COL21A1: variants seen among roughly 807,000 people sequenced by gnomAD.
The protein encoded by COL21A1 is collagen alpha-1(XXI) chain.
COL21A1 carries 149 observed loss-of-function variants against 137.9 expected under a neutral mutation model. That is an observed-to-expected ratio of 1.08 (90% CI 0.95 to 1.24). The LOEUF is 1.24. Ranked by LOEUF, COL21A1 falls within the 50% of genes most tolerant of loss-of-function variation. The pLI is 0.00. For synonymous variants in COL21A1, 456 were observed against 391.5 expected (o/e 1.16, Z -1.95); for missense variants, 1,167 against 1,158.4 (o/e 1.01, Z -0.11).
intron 22 of COL21A1, among the ~76,000 whole-genome samples, chr6:56,068,238 T>C (rs544358361): frequency 5.3e-5 from 8 of 151,436 alleles, no homozygotes; most frequent in Non-Finnish European, 8.9e-5. Flanking sequence ...AGACAACACA[T>C]GAGGGATAGA....
chr6:56,092,888 G>A (rs73457085), intron 17 of COL21A1, among the ~76,000 whole-genome samples: 3,060 of 152,202 alleles, frequency 0.02, 99 homozygotes, highest in African/African-American at 0.07. Flanking sequence ...AGGGCTGTGT[G>A]TCCCCCAGAA....
At chr6:56,272,602 G>A (rs1177533933) in intron 1 of COL21A1, among the ~76,000 whole-genome samples, 1 of 152,146 alleles carries the variant, frequency 6.6e-6, no homozygotes, top group South Asian at 2.1e-4. Context: ...ATGTGGCTTG[G>A]CTCTGTGTCC....
intron 1 of COL21A1, among the ~76,000 whole-genome samples, chr6:56,291,742 T>C (rs938247946): frequency 6.6e-6 from 1 of 152,258 alleles, no homozygotes; most frequent in Non-Finnish European, 1.5e-5. Flanking sequence ...GATGTCACTC[T>C]ATCTTGACTT....
intron 1 of COL21A1, among the ~76,000 whole-genome samples, chr6:56,306,515 G>T (rs182549829): frequency 2.2e-4 from 34 of 152,222 alleles, no homozygotes; most frequent in Admixed American, 1.6e-3. Context: ...TCTTCCAGTT[G>T]ATCGAATTGG....
chr6:56,103,798 G>A (rs148477605), intron 16 of COL21A1, among the ~76,000 whole-genome samples: 8 of 152,120 alleles, frequency 5.3e-5, no homozygotes, highest in Middle Eastern at 3.4e-3. Context: ...TGAATCACCC[G>A]GAAGGTTTGT....
intron 1 of COL21A1, among the ~76,000 whole-genome samples, chr6:56,187,164 G>A (rs573982118): frequency 6.6e-6 from 1 of 152,326 alleles, no homozygotes; most frequent in South Asian, 2.1e-4. Context: ...GTTTTCTGCA[G>A]AGTCTCAATG....
intron 10 of COL21A1, among the ~76,000 whole-genome samples, chr6:56,143,714 C>T (rs917181530): frequency 2.6e-5 from 4 of 152,140 alleles, no homozygotes; most frequent in Admixed American, 2.0e-4. Context: ...GTGCATTTTT[C>T]CAACCCATCA....
chr6:56,164,710 G>A, intron 8 of COL21A1, 104 bp downstream of exon 8: 1 of 938,986 alleles, frequency 1.1e-6, no homozygotes, highest in Non-Finnish European at 1.6e-6. Context: ...ACATAAAAAT[G>A]GGTTCCATTT....
chr6:56,311,357 C>T (rs578188936), intron 1 of COL21A1, among the ~76,000 whole-genome samples: 1 of 152,152 alleles, frequency 6.6e-6, no homozygotes, highest in Non-Finnish European at 1.5e-5. Flanking sequence ...GAGAGTCACT[C>T]GGGCTCAGGC....
chr6:56,179,146 C>T (rs1183559961), intron 3 of COL21A1, among the ~76,000 whole-genome samples: 1 of 151,468 alleles, frequency 6.6e-6, no homozygotes, highest in Non-Finnish European at 1.5e-5. Context: ...TTGATTTAGG[C>T]AGAAGGATAA....
At chr6:56,323,477 C>T (rs145327490) in intron 1 of COL21A1, among the ~76,000 whole-genome samples, 2,737 of 152,298 alleles carry the variant, frequency 0.018, 77 homozygotes, top group African/African-American at 0.061. Flanking sequence ...GCAACCTCTG[C>T]TTCCCGGATT....
At chr6:56,092,105 G>GAA (rs879482011) in intron 17 of COL21A1, among the ~76,000 whole-genome samples, 7 of 149,326 alleles carry the variant, frequency 4.7e-5, no homozygotes, top group African/African-American at 1.7e-4. Context: ...TCTTTTAAAA[G>GAA]AAAAAAAAAC....
intron 12 of COL21A1, among the ~76,000 whole-genome samples, chr6:56,129,675 CGTGTGTGT>C (rs78820557): frequency 1.2e-4 from 16 of 136,414 alleles, no homozygotes; most frequent in Admixed American, 4.4e-4. Flanking sequence ...CACGTGCGTG[CGTGTGTGT>C]GTGTGTGTGT....
chr6:56,359,518 A>C (rs1009698666), intron 1 of COL21A1, among the ~76,000 whole-genome samples: 3 of 152,180 alleles, frequency 2.0e-5, no homozygotes, highest in African/African-American at 7.2e-5. Context: ...TTTTCTGTTT[A>C]TGTCCTGTAA....
intron 23 of COL21A1, among the ~76,000 whole-genome samples, chr6:56,066,491 C>A (rs957324815): frequency 6.6e-6 from 1 of 151,882 alleles, no homozygotes; most frequent in Non-Finnish European, 1.5e-5. Flanking sequence ...AGCTCAGACA[C>A]TATCACTGAG....
At chr6:56,187,162 C>T (rs1778359940) in intron 1 of COL21A1, among the ~76,000 whole-genome samples, 1 of 152,152 alleles carries the variant, frequency 6.6e-6, no homozygotes, top group African/African-American at 2.4e-5. Context: ...GGGTTTTCTG[C>T]AGAGTCTCAA....
chr6:56,063,618 C>T (rs965655555), intron 24 of COL21A1, among the ~76,000 whole-genome samples: 2 of 152,000 alleles, frequency 1.3e-5, no homozygotes, highest in East Asian at 3.9e-4. Flanking sequence ...CTTCTAAATT[C>T]TCAATTCTTC....
intron 1 of COL21A1, among the ~76,000 whole-genome samples, chr6:56,211,945 G>A (rs1399109957): frequency 6.6e-6 from 1 of 152,038 alleles, no homozygotes; most frequent in Non-Finnish European, 1.5e-5. Context: ...TTCTAACCAA[G>A]TTTGATGAGT....
intron 1 of COL21A1, among the ~76,000 whole-genome samples, chr6:56,337,264 G>T (rs993344327): frequency 6.6e-6 from 1 of 152,158 alleles, no homozygotes; most frequent in Admixed American, 6.6e-5. Context: ...AATGAAAATT[G>T]CTGTATCAAC....
Sources: gnomAD v4.1 joint callset for allele counts (sites outside exome capture counted in the v4.1 genomes callset) on GRCh38, gnomAD v4.1.1 for gene constraint, MANE v1.5 for transcripts, NCBI Gene and HGNC (gene_info 2026-07-23, HGNC 2026-07-21) for gene names.